The following GRID1 variants were observed in gnomAD, a reference collection of about 807,000 sequenced individuals.
The protein encoded by GRID1 is glutamate ionotropic receptor delta type subunit 1, also known as glutamate receptor ionotropic, delta-1.
Under a neutral mutation model 98.0 loss-of-function variants are expected in GRID1, and 28 were observed. The ratio of observed to expected loss-of-function variants is 0.29; its 90% CI spans 0.21 to 0.39. The LOEUF is 0.39. Among genes scored for constraint, GRID1 ranks in the 10% least tolerant of loss-of-function variants. The pLI is 1.00. For missense variants in GRID1, 1,111 were observed against 1,340.5 expected, an observed-to-expected ratio of 0.83 and a Z score of 2.67; for synonymous variants, 553 against 538.5, an observed-to-expected ratio of 1.03 and a Z score of -0.37.
intron 2 of GRID1, among the ~76,000 whole-genome samples, chr10:86,278,667 A>G (rs965502308): frequency 1.3e-5 from 2 of 152,220 alleles, no homozygotes; most frequent in East Asian, 1.9e-4. Context: ...ACTCATCAGC[A>G]TAGATAGAAT....
chr10:86,205,263 G>T (rs1414003990), intron 3 of GRID1, among the ~76,000 whole-genome samples: 1 of 152,196 alleles, frequency 6.6e-6, no homozygotes, highest in Admixed American at 6.5e-5. Flanking sequence ...GACAAAATGG[G>T]ACTTTTGAAG....
intron 12 of GRID1, among the ~76,000 whole-genome samples, chr10:85,664,488 T>C (rs1210206865): frequency 1.4e-4 from 21 of 152,202 alleles, no homozygotes; most frequent in Admixed American, 1.2e-3. Context: ...TTTTTATCTT[T>C]TGTAATGTCT....
At chr10:85,973,271 T>C (rs1036840197) in intron 4 of GRID1, among the ~76,000 whole-genome samples, 6 of 152,254 alleles carry the variant, frequency 3.9e-5, no homozygotes, top group African/African-American at 9.6e-5. Flanking sequence ...AGTTTTTACT[T>C]TTTGTACATT....
chr10:86,147,256 C>T (rs561072575), intron 3 of GRID1, among the ~76,000 whole-genome samples: 4 of 152,270 alleles, frequency 2.6e-5, no homozygotes, highest in South Asian at 4.1e-4. Context: ...CCATCCCTCA[C>T]CACAAAAAGC....
chr10:85,899,194 T>C (rs537528105), intron 5 of GRID1, among the ~76,000 whole-genome samples: 2 of 152,348 alleles, frequency 1.3e-5, no homozygotes, highest in East Asian at 3.9e-4. Flanking sequence ...CTAGCTTATT[T>C]GACTTAACAT....
chr10:85,805,993 T>TA (rs1564596095), intron 8 of GRID1, among the ~76,000 whole-genome samples: 36 of 150,784 alleles, frequency 2.4e-4, no homozygotes, highest in African/African-American at 8.3e-4. Context: ...CTATCATGCT[T>TA]TAAAAAAAAA....
intron 13 of GRID1, 56 bp downstream of exon 13, chr10:85,647,146 T>C: frequency 1.4e-6 from 2 of 1,439,726 alleles, no homozygotes; most frequent in Non-Finnish European, 1.9e-6. Context: ...ACCTGGGGGC[T>C]GACCACCCCG....
Position 85,914,394 on chromosome 10 carries a change from A to AT in GRID1, c.780+1791_780+1792insA, listed in dbSNP as rs1589296994. ...ATGGAATGCATCGTTTCTTTGGAACAAAGAAAACTGGACTATGAAGAGCCA... is the reference window on the plus strand; with the variant it reads ...ATGGAATGCATCGTTTCTTTGGAACATAAGAAAACTGGACTATGAAGAGCCA... On this transcript the variant is annotated intron_variant, in intron 5 of 15. Transcript: ENST00000327946. Among the ~76,000 whole-genome samples, 4 of 152,338 alleles carry AT rather than the reference A, an allele frequency of 2.6e-5. No homozygotes were observed. The East Asian group carries it at 7.7e-4, about 29-fold the overall frequency.
chr10:86,334,352 C>A (rs1848195027), intron 2 of GRID1, among the ~76,000 whole-genome samples: 1 of 152,030 alleles, frequency 6.6e-6, no homozygotes, highest in Non-Finnish European at 1.5e-5. Context: ...GGGTGGGGAT[C>A]GCCTTTGTCT....
chr10:85,916,737 T>A lies in GRID1; in HGVS notation c.727-498A>T, dbSNP rs1663924492. Among the ~76,000 whole-genome samples, 1 of 152,202 alleles carries A rather than the reference T, an allele frequency of 6.6e-6. No homozygotes were observed. The highest frequency in any genetic ancestry group is 2.4e-5 in the African/African-American group (1 of 41,438). ...CCGAGTTTCCTTCAGTTCTTTAGGA[T>A]CCATAGAACAAAGCTCTTTGTAGCT... On this transcript the variant is annotated intron_variant, in intron 4 of 15. Coordinates refer to ENST00000327946, the MANE Select transcript of GRID1 (RefSeq NM_017551.3). This position sits in a 1 kb window ranked among gnomAD's most constrained non-coding sequence, Gnocchi z 4.0.
intron 2 of GRID1, among the ~76,000 whole-genome samples, chr10:86,276,123 A>G (rs1847265938): frequency 6.6e-6 from 1 of 152,250 alleles, no homozygotes; most frequent in South Asian, 2.1e-4. Context: ...CTTGAGCAAT[A>G]GAAATGATTT....
intron 5 of GRID1, among the ~76,000 whole-genome samples, chr10:85,889,695 C>A (rs1021193703): frequency 6.6e-6 from 1 of 152,028 alleles, no homozygotes; most frequent in Non-Finnish European, 1.5e-5. Context: ...TGGATAGATA[C>A]CCAGAAGTGG....
intron 2 of GRID1, among the ~76,000 whole-genome samples, chr10:86,355,351 G>A (rs1848520115): frequency 6.6e-6 from 1 of 152,260 alleles, no homozygotes; most frequent in Non-Finnish European, 1.5e-5. Flanking sequence ...GGACCAGGGT[G>A]GGCCAGGTGG....
In GRID1 at chr10:86,220,493, A is replaced by G. The variant is rs573066609; in HGVS notation, c.236-13845T>C. On this transcript the variant is annotated intron_variant, in intron 2 of 15. Transcript: ENST00000327946. ...TGACCAGCACCAGTAAGTACAGGTAACTTACCACCCACTGCAAGAAGAGTG... is the reference window on the plus strand; with the variant it reads ...TGACCAGCACCAGTAAGTACAGGTAGCTTACCACCCACTGCAAGAAGAGTG... 2.3e-3 allele frequency among the ~76,000 whole-genome samples: 345 copies of G among 152,310 alleles called. 1 individual carries two copies. The highest frequency in any genetic ancestry group is 3.5e-3 in the Non-Finnish European group (236 of 68,028).
chr10:85,674,537 G>A (rs940634802), intron 12 of GRID1, among the ~76,000 whole-genome samples: 1 of 152,118 alleles, frequency 6.6e-6, no homozygotes, highest in Non-Finnish European at 1.5e-5. Flanking sequence ...TGATCAAGAT[G>A]ACTATCCTAT....
chr10:85,690,155 A>G (rs1841316112), intron 12 of GRID1, among the ~76,000 whole-genome samples: 1 of 152,306 alleles, frequency 6.6e-6, no homozygotes, highest in South Asian at 2.1e-4. Flanking sequence ...ATATGTTAAA[A>G]TATAGTCTTA....
At chr10:86,147,917 T>G (rs1271827807) in intron 3 of GRID1, among the ~76,000 whole-genome samples, 3 of 152,160 alleles carry the variant, frequency 2.0e-5, no homozygotes, top group African/African-American at 4.8e-5. Flanking sequence ...CAGAGCCCAC[T>G]GGGCTTACTC....
chr10:85,640,160 ATGAG>A (rs1843098001), intron 13 of GRID1, among the ~76,000 whole-genome samples: 1 of 152,230 alleles, frequency 6.6e-6, no homozygotes, highest in South Asian at 2.1e-4. Context: ...TCTTGAATGG[ATGAG>A]TAAGTTCATA....
intron 6 of GRID1, among the ~76,000 whole-genome samples, chr10:85,865,912 CATATATATATATAT>C (rs375258556): frequency 4.8e-5 from 4 of 83,092 alleles, no homozygotes; most frequent in East Asian, 4.4e-4. Flanking sequence ...TACATATATA[CATATATATATATAT>C]ATATATATAT....
Sources: gnomAD v4.1 joint callset for allele counts (sites outside exome capture counted in the v4.1 genomes callset) on GRCh38, gnomAD v4.1.1 for gene constraint, Gnocchi (gnomAD v3.1) non-coding constraint, MANE v1.5 for transcripts, NCBI Gene and HGNC (gene_info 2026-07-23, HGNC 2026-07-21) for gene names.